Variants in MBOAT1 observed in about 807,000 individuals in gnomAD.
MBOAT1 encodes the protein membrane bound glycerophospholipid O-acyltransferase 1, also known as membrane-bound glycerophospholipid O-acyltransferase 1.
A neutral mutation model predicts 64.4 loss-of-function variants in MBOAT1; 67 were observed. The ratio of observed to expected loss-of-function variants is 1.04; its 90% CI spans 0.85 to 1.27. The LOEUF is 1.27. MBOAT1 is among the 50% of genes most tolerant of loss of function. MBOAT1 has a pLI of 0.00. For synonymous variants in MBOAT1, 229 were observed against 218.9 expected (o/e 1.05, Z -0.41); for missense variants, 563 against 604.6 (o/e 0.93, Z 0.72).
chr6:20,129,207 A>C (rs1316996307), intron 5 of MBOAT1, among the ~76,000 whole-genome samples: 4 of 152,232 alleles, frequency 2.6e-5, no homozygotes, highest in Non-Finnish European at 5.9e-5. Context: ...ACATAATGGA[A>C]AAAGAAACAG....
chr6:20,159,647 G>A (rs1004546865), intron 1 of MBOAT1, among the ~76,000 whole-genome samples: 1 of 152,136 alleles, frequency 6.6e-6, no homozygotes, highest in African/African-American at 2.4e-5. Context: ...GAAGAAAGGG[G>A]AGACATTGAT....
intron 8 of MBOAT1, among the ~76,000 whole-genome samples, chr6:20,122,838 TA>T (rs1050186867): frequency 6.6e-6 from 1 of 151,836 alleles, no homozygotes; most frequent in African/African-American, 2.4e-5. Flanking sequence ...AAAAAAAAAT[TA>T]TTTTTTTTTT....
rs763882716 is a variant in MBOAT1 at position 20,109,680 on chromosome 6, A to T, written c.1279T>A (p.Trp427Arg). 6.2e-6 allele frequency: 10 copies of T among 1,614,066 alleles called. No homozygotes were observed. In the Admixed American group the frequency reaches 1.5e-4, roughly 24 times the overall value. ...GAGACAGCCAGCTGAGTGACGGCCC[A>T]GGTGCCTGCATCATACACAGCCTTG... Reference protein sequence around the residue: ...ALKAVYDAGTWAVTQLAVSYT... With the variant: ...ALKAVYDAGTRAVTQLAVSYT... The change falls in exon 12 of 13, where the codon TGG (tryptophan) becomes AGG (arginine). Residue 427 changes from tryptophan (W) to arginine (R), a missense_variant. Transcript: ENST00000324607.
At chr6:20,165,389 G>C (rs1761986047) in intron 1 of MBOAT1, among the ~76,000 whole-genome samples, 1 of 152,152 alleles carries the variant, frequency 6.6e-6, no homozygotes, top group Admixed American at 6.6e-5. Context: ...TCACGAACCT[G>C]CAGAGGGGCT....
intron 6 of MBOAT1, 145 bp downstream of exon 6, chr6:20,128,554 G>T (rs1760725516): frequency 1.7e-6 from 1 of 587,472 alleles, no homozygotes; most frequent in Non-Finnish European, 2.9e-6. Flanking sequence ...TGGTAACAAT[G>T]CACATGTCCA....
intron 1 of MBOAT1, among the ~76,000 whole-genome samples, chr6:20,153,386 G>C (rs892482676): frequency 6.6e-6 from 1 of 152,116 alleles, no homozygotes. Flanking sequence ...TGTTTAGTGG[G>C]TCTCTTTTCT....
At chr6:20,155,402 G>A (rs1581429734) in intron 1 of MBOAT1, among the ~76,000 whole-genome samples, 1 of 142,506 alleles carries the variant, frequency 7.0e-6, no homozygotes, top group South Asian at 2.2e-4. Context: ...GAAACAACAC[G>A]ATTAACCTAA....
In MBOAT1 at chr6:20,192,132, G is replaced by A. The variant is rs369168114; in HGVS notation, c.99+20004C>T. On this transcript the variant is annotated intron_variant, in intron 1 of 12. Coordinates refer to ENST00000324607, the MANE Select transcript of MBOAT1 (RefSeq NM_001080480.3). Reference sequence around the variant, plus strand: ...TTCCATTCCACTGATAAGAACTAACGTTTACCTGATAAAAAGTCATTCCTT... The same window carrying A: ...TTCCATTCCACTGATAAGAACTAACATTTACCTGATAAAAAGTCATTCCTT... 1.9e-4 allele frequency among the ~76,000 whole-genome samples: 29 copies of A among 152,112 alleles called. No individual in the cohort carries two copies. In the South Asian group the frequency reaches 4.6e-3, roughly 24 times the overall value.
At chr6:20,179,920 AG>A (rs1284496385) in intron 1 of MBOAT1, among the ~76,000 whole-genome samples, 1 of 99,828 alleles carries the variant, frequency 1.0e-5, no homozygotes, top group African/African-American at 3.9e-5. Flanking sequence ...AGTGATGTTG[AG>A]CTTTTTTTCA....
intron 1 of MBOAT1, among the ~76,000 whole-genome samples, chr6:20,203,182 G>A (rs139194133): frequency 8.5e-5 from 13 of 152,138 alleles, no homozygotes; most frequent in African/African-American, 3.1e-4. Context: ...CCAAGGCCAA[G>A]CTACAGAATA....
At chr6:20,161,149 C>T (rs1761844601) in intron 1 of MBOAT1, among the ~76,000 whole-genome samples, 1 of 152,050 alleles carries the variant, frequency 6.6e-6, no homozygotes, top group African/African-American at 2.4e-5. Flanking sequence ...AGATCAGCAG[C>T]AGCATTAGAT....
chr6:20,122,399 T>C lies in MBOAT1; in HGVS notation c.907+2009A>G, dbSNP rs537284100. ...CTTGAAGAGTATTGCCTGGTGGCTG[T>C]ATGTCTGTGCTCCCAACCATGCAAC... On this transcript the variant is annotated intron_variant, in intron 8 of 12. Coordinates refer to ENST00000324607, the MANE Select transcript of MBOAT1 (RefSeq NM_001080480.3). Among the ~76,000 whole-genome samples, 6 of 152,308 alleles carry C rather than the reference T, an allele frequency of 3.9e-5. 2 individuals are homozygous for C. The South Asian group carries it at 1.2e-3, about 32-fold the overall frequency.
chr6:20,126,843 C>A (rs759627794), intron 6 of MBOAT1, 143 bp from the exon 7 acceptor site: 6 of 692,006 alleles, frequency 8.7e-6, no homozygotes, highest in Non-Finnish European at 1.4e-5. Context: ...CAAAGTCAGC[C>A]GAGGAGAAAT....
At chr6:20,154,230 T>A (rs1429223734) in intron 1 of MBOAT1, among the ~76,000 whole-genome samples, 1 of 152,194 alleles carries the variant, frequency 6.6e-6, no homozygotes, top group African/African-American at 2.4e-5. Flanking sequence ...TTTGTTTTGG[T>A]TTTTTTAAAG....
At chr6:20,120,579 G>C (rs182700761) in intron 8 of MBOAT1, among the ~76,000 whole-genome samples, 1 of 152,212 alleles carries the variant, frequency 6.6e-6, no homozygotes, top group Non-Finnish European at 1.5e-5. Flanking sequence ...TGAGGCAGGA[G>C]AATCACTTGA....
chr6:20,168,615 AG>A, intron 1 of MBOAT1, among the ~76,000 whole-genome samples: 1 of 27,662 alleles, frequency 3.6e-5, no homozygotes, highest in Non-Finnish European at 1.2e-4. Flanking sequence ...AGAGAAGAGA[AG>A]AGAAGAGAAG....
intron 1 of MBOAT1, among the ~76,000 whole-genome samples, chr6:20,177,781 A>G (rs1380185899): frequency 1.4e-5 from 2 of 143,582 alleles, no homozygotes; most frequent in East Asian, 4.2e-4. Flanking sequence ...CTCAAAAAAA[A>G]AAAAAAAAAA....
At chr6:20,143,626 A>G (rs545274298) in intron 4 of MBOAT1, among the ~76,000 whole-genome samples, 2 of 152,330 alleles carry the variant, frequency 1.3e-5, no homozygotes, top group African/African-American at 4.8e-5. Context: ...TGGAGGAGGG[A>G]GAGGATCAGG....
chr6:20,184,036 TC>T (rs1388168379), intron 1 of MBOAT1, among the ~76,000 whole-genome samples: 2 of 152,206 alleles, frequency 1.3e-5, no homozygotes, highest in African/African-American at 4.8e-5. Context: ...TCCCCCTGTG[TC>T]CCTCACATAA....
Sources: gnomAD v4.1 joint callset for allele counts (sites outside exome capture counted in the v4.1 genomes callset) on GRCh38, gnomAD v4.1.1 for gene constraint, MANE v1.5 for transcripts, NCBI Gene and HGNC (gene_info 2026-07-23, HGNC 2026-07-21) for gene names.